The following GABRA2 variants were observed in gnomAD, a reference collection of about 807,000 sequenced individuals.
The protein encoded by GABRA2 is gamma-aminobutyric acid type A receptor subunit alpha2.
Under a neutral mutation model 48.7 loss-of-function variants are expected in GABRA2, and 16 were observed. That is an observed-to-expected ratio of 0.33 (90% CI 0.22 to 0.50). The LOEUF (loss-of-function observed/expected upper bound fraction) is 0.50, where lower values mean the gene tolerates loss of function less well. Among genes scored for constraint, GABRA2 ranks in the 20% least tolerant of loss-of-function variants. The probability of loss-of-function intolerance (pLI) is 0.98; values close to 1 mark genes in which losing one functional copy is unlikely to be tolerated. For synonymous variants in GABRA2, 185 were observed against 184.5 expected, an observed-to-expected ratio of 1.00 and a Z score of -0.02; for missense variants, 275 against 535.6, an observed-to-expected ratio of 0.51 and a Z score of 4.80.
intron 3 of GABRA2, among the ~76,000 whole-genome samples, chr4:46,385,078 CATATATATAT>C (rs36113226): frequency 0.18 from 25,341 of 143,458 alleles, 2,722 homozygotes; most frequent in East Asian, 0.5. Flanking sequence ...AATTGCCTAA[CATATATATAT>C]ATATATATAT....
intron 3 of GABRA2, chr4:46,367,012 C>A (rs1218275194): frequency 6.6e-6 from 1 of 152,032 alleles, no homozygotes; most frequent in Non-Finnish European, 1.5e-5. Context: ...TTCATGATCA[C>A]TGCTCAGATG....
chr4:46,331,536 C>T (rs1312110665), intron 4 of GABRA2, among the ~76,000 whole-genome samples: 3 of 151,996 alleles, frequency 2.0e-5, no homozygotes, highest in Non-Finnish European at 2.9e-5. Flanking sequence ...GTCAACTTTC[C>T]CCCTGAGTTA....
At chr4:46,293,680 C>T (rs757689720) in intron 8 of GABRA2, among the ~76,000 whole-genome samples, 20 of 152,132 alleles carry the variant, frequency 1.3e-4, no homozygotes, top group Non-Finnish European at 8.8e-5. Flanking sequence ...GTAGGGTGAA[C>T]ACTATTATGG....
chr4:46,378,249 G>A (rs553793583), intron 3 of GABRA2, among the ~76,000 whole-genome samples: 3 of 152,318 alleles, frequency 2.0e-5, no homozygotes, highest in Admixed American at 1.3e-4. Flanking sequence ...CTGAGAAATC[G>A]GATGGTTGCC....
intron 6 of GABRA2, among the ~76,000 whole-genome samples, chr4:46,308,943 A>AT (rs1383475174): frequency 2.0e-5 from 3 of 151,904 alleles, no homozygotes; most frequent in Non-Finnish European, 2.9e-5. Context: ...AGGCTTTTCA[A>AT]TTTTTTCTAT....
At chr4:46,314,585 C>T (rs1728224275) in intron 4 of GABRA2, among the ~76,000 whole-genome samples, 1 of 151,984 alleles carries the variant, frequency 6.6e-6, no homozygotes, top group African/African-American at 2.4e-5. Context: ...ATACTATCAT[C>T]CAGAGAGTTA....
intron 8 of GABRA2, among the ~76,000 whole-genome samples, chr4:46,274,266 T>C (rs1720063164): frequency 6.6e-6 from 1 of 152,122 alleles, no homozygotes; most frequent in South Asian, 2.1e-4. Flanking sequence ...TAGCAAGTAG[T>C]AGAGATTAGA....
chr4:46,266,396 T>A (rs1718233062), intron 8 of GABRA2, among the ~76,000 whole-genome samples: 1 of 149,284 alleles, frequency 6.7e-6, no homozygotes, highest in Non-Finnish European at 1.5e-5. Context: ...TATTTTATTT[T>A]AGTTTTGATG....
chr4:46,303,726 C>T, intron 7 of GABRA2, 114 bp from the exon 8 acceptor site: 1 of 809,414 alleles, frequency 1.2e-6, no homozygotes, highest in Non-Finnish European at 1.9e-6. Flanking sequence ...TAATATATCA[C>T]ATACATGTCA....
At position 46,332,672 on chromosome 4, in the gene GABRA2, A is replaced by G. The variant is rs1381630138; in HGVS notation, c.198T>C (p.Thr66=). 1.3e-6 allele frequency: 2 copies of G among 1,572,320 alleles called. No individual in the cohort carries two copies. The highest frequency in any genetic ancestry group is 1.8e-6 in the Non-Finnish European group (2 of 1,142,326). ...RLRPGLGDSI[T]EVFTNIYVTS... is the part of the protein sequence containing the mutation. ...TCACGTAGATGTTAGTGAAGACTTC[A>G]GTAATACTGTCTAATATGAGAAAAG... The change falls in exon 4 of 10, where the codon ACT becomes ACC. Residue 66 remains threonine, a synonymous_variant. Transcript: ENST00000381620.
chr4:46,350,555 C>T (rs2109904657), intron 3 of GABRA2, among the ~76,000 whole-genome samples: 1 of 151,720 alleles, frequency 6.6e-6, no homozygotes, highest in East Asian at 1.9e-4. Flanking sequence ...ATATATGTCT[C>T]TGTCATATCT....
intron 6 of GABRA2, among the ~76,000 whole-genome samples, chr4:46,307,634 A>G (rs936933033): frequency 6.6e-6 from 1 of 152,110 alleles, no homozygotes; most frequent in African/African-American, 2.4e-5. Flanking sequence ...CACAGAAGAA[A>G]AAGTCTCAAT....
intron 8 of GABRA2, among the ~76,000 whole-genome samples, chr4:46,291,792 C>G (rs2350774): frequency 6.8e-6 from 1 of 147,570 alleles, no homozygotes; most frequent in Non-Finnish European, 1.5e-5. Flanking sequence ...TATATATATA[C>G]ATATACATAT....
At chr4:46,388,798 C>T (rs2109390925) in intron 1 of GABRA2, 82 bp from the exon 2 acceptor site, 2 of 1,593,060 alleles carry the variant, frequency 1.3e-6, no homozygotes, top group Admixed American at 3.5e-5. Context: ...CAAAGAATAT[C>T]CTTTTAGTTA....
At chr4:46,256,297 T>C (rs750616139) in intron 9 of GABRA2, 2 of 696,186 alleles carry the variant, frequency 2.9e-6, no homozygotes, top group Non-Finnish European at 5.2e-6. Context: ...ACTTGGACCA[T>C]ATTAGCTTAG....
At position 46,347,893 on chromosome 4, in the gene GABRA2, A is replaced by G. The variant is rs184828052; in HGVS notation, c.188-15211T>C. Among the ~76,000 whole-genome samples the G allele has an allele frequency of 1.9e-3, 286 of 152,088 alleles. 2 individuals are homozygous for G. Among genetic ancestry groups the G allele is most frequent in the African/African-American group, 6.2e-3 (256 of 41,542 alleles). ...ACTATAAAAGAAACCCAAACTACCCAATAACAGGAAAACAAATAATTCTGT... is the reference window on the plus strand; with the variant it reads ...ACTATAAAAGAAACCCAAACTACCCGATAACAGGAAAACAAATAATTCTGT... On this transcript the variant is annotated intron_variant, in intron 3 of 9. Transcript: ENST00000381620.
chr4:46,297,379 C>A (rs1425346565), intron 8 of GABRA2, among the ~76,000 whole-genome samples: 1 of 150,526 alleles, frequency 6.6e-6, no homozygotes, highest in African/African-American at 2.5e-5. Context: ...AGTTCTTCAG[C>A]TTTGGGACTC....
intron 8 of GABRA2, among the ~76,000 whole-genome samples, chr4:46,273,605 T>C (rs962936536): frequency 2.7e-5 from 4 of 150,364 alleles, no homozygotes; most frequent in African/African-American, 9.8e-5. Context: ...AAGCACCAAC[T>C]AAACACCATT....
chr4:46,383,241 G>A (rs1717002220), intron 3 of GABRA2, among the ~76,000 whole-genome samples: 1 of 152,132 alleles, frequency 6.6e-6, no homozygotes, highest in South Asian at 2.1e-4. Flanking sequence ...TAGAAATCCT[G>A]TTTCACAGAT....
Sources: allele counts gnomAD v4.1 joint callset (sites outside exome capture counted in the v4.1 genomes callset), GRCh38; gene constraint gnomAD v4.1.1; transcripts MANE v1.5; gene names NCBI Gene and HGNC (gene_info 2026-07-23, HGNC 2026-07-21).